Variants in LINC01488 observed in about 807,000 individuals in gnomAD.
LINC01488 encodes the protein CCND1-upstream intergenic DNA repair 1.
At chr11:69,488,873 A>C (rs1307601209) in intron 1 of LINC01488, among the ~76,000 whole-genome samples, 1 of 152,138 alleles carries the variant, frequency 6.6e-6, no homozygotes, top group Non-Finnish European at 1.5e-5. Context: ...AGCCTGGCCC[A>C]GCCCTGCACA....
intron 1 of LINC01488, among the ~76,000 whole-genome samples, chr11:69,482,936 G>C (rs1857062769): frequency 1.3e-5 from 2 of 152,120 alleles, no homozygotes; most frequent in Non-Finnish European, 2.9e-5. Flanking sequence ...ATTGAATGAG[G>C]ACCCACCCTG....
intron 1 of LINC01488, among the ~76,000 whole-genome samples, chr11:69,484,684 C>T (rs1303763473): frequency 3.9e-5 from 6 of 152,356 alleles, no homozygotes; most frequent in African/African-American, 7.2e-5. Context: ...CCCTGTGTCG[C>T]GCTGGCCCAC....
chr11:69,483,200 C>G (rs79745647), intron 1 of LINC01488, among the ~76,000 whole-genome samples: 5,057 of 152,282 alleles, frequency 0.033, 135 homozygotes, highest in Admixed American at 0.072. Flanking sequence ...TGCTTTTCCA[C>G]GGTCTGGAGT....
At chr11:69,486,158 T>C (rs1857112223) in intron 1 of LINC01488, 1 of 152,202 alleles carries the variant, frequency 6.6e-6, no homozygotes, top group Non-Finnish European at 1.5e-5. Context: ...GGAGTTTCCA[T>C]GATAACTGTG....
intron 1 of LINC01488, among the ~76,000 whole-genome samples, chr11:69,482,292 C>A (rs538886601): frequency 6.6e-6 from 1 of 152,152 alleles, no homozygotes; most frequent in African/African-American, 2.4e-5. Flanking sequence ...TGGGGTAAAC[C>A]GCCCCCATGA....
intron 1 of LINC01488, among the ~76,000 whole-genome samples, chr11:69,485,378 C>T (rs140439473): frequency 1.3e-3 from 193 of 152,314 alleles, no homozygotes; most frequent in Admixed American, 2.5e-3. Context: ...GATGATGCCA[C>T]TGACCTCACT....
exon 4 of LINC01488, chr11:69,493,017 A>G (rs1857248644): frequency 6.6e-6 from 1 of 152,186 alleles, no homozygotes; most frequent in South Asian, 2.1e-4. Context: ...CACAGACAGC[A>G]CCTTGGACCC....
chr11:69,485,130 G>A (rs927061379), intron 1 of LINC01488, among the ~76,000 whole-genome samples: 15 of 152,206 alleles, frequency 9.9e-5, no homozygotes, highest in Admixed American at 7.2e-4. Flanking sequence ...TCCAGGTCAG[G>A]TGCTTTGCAG....
intron 1 of LINC01488, among the ~76,000 whole-genome samples, chr11:69,488,613 C>A (rs1428713495): frequency 6.6e-6 from 1 of 152,264 alleles, no homozygotes; most frequent in Non-Finnish European, 1.5e-5. Flanking sequence ...GGGCCCCACA[C>A]AATGGAACGT....
At chr11:69,490,604 G>A (rs1857205307) in intron 2 of LINC01488, 1 of 151,966 alleles carries the variant, frequency 6.6e-6, no homozygotes, top group Admixed American at 6.5e-5. Flanking sequence ...TGCTTCCCAA[G>A]GCAGGGGGGC....
intron 1 of LINC01488, chr11:69,490,405 GTTC>G (rs1431744664): frequency 2.6e-5 from 4 of 152,436 alleles, no homozygotes; most frequent in Non-Finnish European, 4.4e-5. Flanking sequence ...CTTTCATCCA[GTTC>G]TTCTTGACTC....
At chr11:69,490,273 TAG>T (rs1316212981) in intron 1 of LINC01488, among the ~76,000 whole-genome samples, 1 of 151,976 alleles carries the variant, frequency 6.6e-6, no homozygotes, top group East Asian at 1.9e-4. Context: ...CTCTGTAGGG[TAG>T]AGCGGTAAGG....
chr11:69,489,251 C>T (rs545951362), intron 1 of LINC01488, among the ~76,000 whole-genome samples: 2 of 152,216 alleles, frequency 1.3e-5, no homozygotes, highest in South Asian at 2.1e-4. Context: ...ACTGTGACCC[C>T]GGGCACCTGC....
intron 1 of LINC01488, among the ~76,000 whole-genome samples, chr11:69,489,924 C>T (rs1857192301): frequency 6.6e-6 from 1 of 152,184 alleles, no homozygotes; most frequent in Admixed American, 6.5e-5. Flanking sequence ...GGTTCCAGCC[C>T]CAGGGGTGGG....
intron 1 of LINC01488, among the ~76,000 whole-genome samples, chr11:69,484,622 C>A (rs1422930017): frequency 6.6e-6 from 1 of 152,234 alleles, no homozygotes; most frequent in Non-Finnish European, 1.5e-5. Context: ...AAAGGCCCAG[C>A]AGTTTCTGGA....
chr11:69,481,949 A>AGATG (rs1455735258), intron 1 of LINC01488, among the ~76,000 whole-genome samples: 1 of 151,390 alleles, frequency 6.6e-6, no homozygotes, highest in African/African-American at 2.4e-5. Flanking sequence ...ATAGATGAGT[A>AGATG]GATGGATGGA....
chr11:69,485,454 CT>C (rs374997152), intron 1 of LINC01488, among the ~76,000 whole-genome samples: 13 of 152,230 alleles, frequency 8.5e-5, no homozygotes, highest in Non-Finnish European at 1.6e-4. Context: ...AGCTCCACCC[CT>C]AGCCCCAGGT....
At chr11:69,482,969 A>G (rs1763982195) in intron 1 of LINC01488, among the ~76,000 whole-genome samples, 1 of 152,218 alleles carries the variant, frequency 6.6e-6, no homozygotes, top group Non-Finnish European at 1.5e-5. Context: ...TAATTTGATT[A>G]CATCTGTAAA....
At chr11:69,485,312 C>G (rs1857098361) in intron 1 of LINC01488, among the ~76,000 whole-genome samples, 1 of 152,206 alleles carries the variant, frequency 6.6e-6, no homozygotes, top group African/African-American at 2.4e-5. Flanking sequence ...CAGTCGAGGT[C>G]AGCTGGAGGG....
Sources: allele counts gnomAD v4.1 joint callset (sites outside exome capture counted in the v4.1 genomes callset), GRCh38; gene constraint gnomAD v4.1.1; transcripts MANE v1.5; gene names NCBI Gene and HGNC (gene_info 2026-07-23, HGNC 2026-07-21).